SOBP: variants seen among roughly 807,000 people sequenced by gnomAD.
SOBP encodes the protein sine oculis binding protein homolog, also known as sine oculis-binding protein homolog.
Under a neutral mutation model 53.6 loss-of-function variants are expected in SOBP, and 4 were observed. The ratio of observed to expected loss-of-function variants is 0.07; its 90% CI spans 0.04 to 0.17. The LOEUF is 0.17. SOBP is among the 10% of genes least tolerant of loss of function. The probability of loss-of-function intolerance (pLI) is 1.00; values close to 1 mark genes in which losing one functional copy is unlikely to be tolerated. For missense variants in SOBP, 1,088 were observed against 1,204.7 expected (o/e 0.90, Z 1.43); for synonymous variants, 584 against 522.6 (o/e 1.12, Z -1.60).
intron 3 of SOBP, among the ~76,000 whole-genome samples, chr6:107,521,629 A>G (rs975795838): frequency 4.6e-5 from 7 of 152,104 alleles, no homozygotes; most frequent in Non-Finnish European, 5.9e-5. Flanking sequence ...GTTGTTCCCG[A>G]TTTTTAGCTA....
chr6:107,622,097 T>C (rs1770205685), intron 5 of SOBP, among the ~76,000 whole-genome samples: 1 of 152,224 alleles, frequency 6.6e-6, no homozygotes, highest in Non-Finnish European at 1.5e-5. Flanking sequence ...TACCTTACCT[T>C]TGTAATAATA....
At chr6:107,500,749 T>G (rs1172106075) in intron 1 of SOBP, among the ~76,000 whole-genome samples, 1 of 152,086 alleles carries the variant, frequency 6.6e-6, no homozygotes, top group African/African-American at 2.4e-5. Context: ...ATGGTCTCGA[T>G]CTCCTGACCT....
chr6:107,553,728 C>T (rs1278086182), intron 4 of SOBP, among the ~76,000 whole-genome samples: 1 of 152,002 alleles, frequency 6.6e-6, no homozygotes, highest in East Asian at 1.9e-4. Context: ...CCTCGTGATC[C>T]ACCCGCCTTG....
chr6:107,585,548 G>A (rs59896528), intron 4 of SOBP, among the ~76,000 whole-genome samples: 5 of 152,046 alleles, frequency 3.3e-5, no homozygotes, highest in African/African-American at 7.2e-5. Flanking sequence ...TTTCTCTGTC[G>A]CATATAGCCA....
intron 4 of SOBP, among the ~76,000 whole-genome samples, chr6:107,576,868 T>C (rs1583230072): frequency 6.6e-6 from 1 of 152,224 alleles, no homozygotes; most frequent in Non-Finnish European, 1.5e-5. Context: ...AAAAGAAAGT[T>C]AAATTCATCT....
chr6:107,542,344 G>A (rs1304760777), intron 4 of SOBP, among the ~76,000 whole-genome samples: 1 of 152,128 alleles, frequency 6.6e-6, no homozygotes, highest in African/African-American at 2.4e-5. Context: ...AGGTCCTCAG[G>A]CAGGAACAGT....
intron 4 of SOBP, among the ~76,000 whole-genome samples, chr6:107,560,914 T>C (rs1018391394): frequency 1.3e-5 from 2 of 152,174 alleles, no homozygotes; most frequent in Non-Finnish European, 2.9e-5. Flanking sequence ...CTTGAGAGAC[T>C]CAGAAATGTG....
chr6:107,609,774 A>G (rs536956710), intron 5 of SOBP, among the ~76,000 whole-genome samples: 1 of 152,214 alleles, frequency 6.6e-6, no homozygotes, highest in Non-Finnish European at 1.5e-5. Context: ...CCCTACTCCC[A>G]CCAGACCATC....
intron 5 of SOBP, among the ~76,000 whole-genome samples, chr6:107,611,648 A>G (rs1786603619): frequency 6.6e-6 from 1 of 152,122 alleles, no homozygotes. Flanking sequence ...GACTATTTAC[A>G]TGTCAGCCAC....
chr6:107,612,165 AC>A (rs1786622894), intron 5 of SOBP, among the ~76,000 whole-genome samples: 1 of 152,152 alleles, frequency 6.6e-6, no homozygotes, highest in Non-Finnish European at 1.5e-5. Context: ...TCTGACTTGC[AC>A]CTGTTCCCAC....
chr6:107,554,818 A>C (rs1234390245), intron 4 of SOBP, among the ~76,000 whole-genome samples: 1 of 151,986 alleles, frequency 6.6e-6, no homozygotes, highest in Non-Finnish European at 1.5e-5. Context: ...AGGTTTTGAG[A>C]TGGTGCAAGC....
At chr6:107,542,641 A>G (rs971676813) in intron 4 of SOBP, among the ~76,000 whole-genome samples, 6 of 152,208 alleles carry the variant, frequency 3.9e-5, no homozygotes, top group Non-Finnish European at 7.3e-5. Context: ...GTCTGGCAAT[A>G]GAAAACTAAA....
chr6:107,588,713 G>T (rs538846325), intron 5 of SOBP, among the ~76,000 whole-genome samples: 1 of 152,186 alleles, frequency 6.6e-6, no homozygotes, highest in South Asian at 2.1e-4. Flanking sequence ...GTTGTGGTCA[G>T]TTTATACTGG....
At position 107,633,955 on chromosome 6, in the gene SOBP, A is replaced by G; in HGVS notation, c.1111A>G (p.Ser371Gly). 1 of 1,614,164 alleles carries G rather than the reference A, an allele frequency of 6.2e-7. No individual in the cohort carries two copies. Among genetic ancestry groups the G allele is most frequent in the Non-Finnish European group, 8.5e-7 (1 of 1,180,018 alleles). The change falls in exon 6 of 7, where the codon AGC (serine) becomes GGC (glycine). Residue 371 changes from serine to glycine, a missense_variant. Coordinates refer to ENST00000317357, the MANE Select transcript of SOBP (RefSeq NM_018013.4). ...IPPVSVQPPA[S>G]IGPPLGVPPR... ...TCCTGTCTCCGTCCAGCCACCTGCT[A>G]GCATCGGGCCTCCCCTTGGCGTCCC...
chr6:107,574,918 G>A (rs1220542042), intron 4 of SOBP, among the ~76,000 whole-genome samples: 1 of 152,196 alleles, frequency 6.6e-6, no homozygotes, highest in East Asian at 1.9e-4. Context: ...ACCAGAGGGC[G>A]AGTTACCTCT....
Position 107,522,093 on chromosome 6 carries a change from C to T in SOBP, c.422-11366C>T, listed in dbSNP as rs149535892. Among the ~76,000 whole-genome samples, 752 of 152,198 alleles carry T rather than the reference C, an allele frequency of 4.9e-3. 24 individuals are homozygous for T. Among genetic ancestry groups the T allele is most frequent in the Admixed American group, 0.037 (569 of 15,284 alleles). ...GACTGAATTCATCAGTAGGACTAAACTGGCAAAGGATTTTAGGGTTGTGAG... is the reference window on the plus strand; with the variant it reads ...GACTGAATTCATCAGTAGGACTAAATTGGCAAAGGATTTTAGGGTTGTGAG... On this transcript the variant is annotated intron_variant, in intron 3 of 6. Transcript: ENST00000317357.
In SOBP at chr6:107,490,671, C is replaced by T. The variant is rs992649290; in HGVS notation, c.55C>T (p.Pro19Ser). Residue 19 changes from proline to serine, a missense_variant, in exon 1 of 7, where the codon CCG (proline) becomes TCG (serine). Physicochemically the swap from Pro to Ser is moderately conservative, Grantham distance 74 (BLOSUM62 -1). Coordinates refer to ENST00000317357, the MANE Select transcript of SOBP (RefSeq NM_018013.4). Reference protein sequence around the residue: ...RPPENKRSRKPAHPVKREINE... With the variant: ...RPPENKRSRKSAHPVKREINE... ...TCCCGAAAATAAACGGAGCAGGAAG[C>T]CGGCTCACCCAGTGAAAAGGGAGAT... The T allele has an allele frequency of 1.9e-6, 3 of 1,608,318 alleles. No individual in the cohort carries two copies. The highest frequency in any genetic ancestry group is 2.5e-6 in the Non-Finnish European group (3 of 1,177,040).
intron 4 of SOBP, among the ~76,000 whole-genome samples, chr6:107,583,740 C>G (rs1352973049): frequency 6.6e-6 from 1 of 151,960 alleles, no homozygotes; most frequent in Non-Finnish European, 1.5e-5. Context: ...CCTGTGTTGC[C>G]CAGGCTTTTT....
At chr6:107,506,732 G>A (rs887885585) in intron 3 of SOBP, among the ~76,000 whole-genome samples, 2 of 152,006 alleles carry the variant, frequency 1.3e-5, no homozygotes, top group East Asian at 3.9e-4. Context: ...AAGATAAAAT[G>A]GTTTTTAAAA....
Sources: allele counts gnomAD v4.1 joint callset (sites outside exome capture counted in the v4.1 genomes callset), GRCh38; gene constraint gnomAD v4.1.1; transcripts MANE v1.5; gene names NCBI Gene and HGNC (gene_info 2026-07-23, HGNC 2026-07-21).